PHC2: variants seen among roughly 807,000 people sequenced by gnomAD.
PHC2 encodes polyhomeotic-like protein 2.
PHC2 carries 29 observed loss-of-function variants against 87.4 expected under a neutral mutation model. The ratio of observed to expected loss-of-function variants is 0.33; its 90% CI spans 0.25 to 0.45. The LOEUF (loss-of-function observed/expected upper bound fraction) is 0.45, where lower values mean the gene tolerates loss of function less well. Among genes scored for constraint, PHC2 ranks in the 20% least tolerant of loss-of-function variants. The pLI, the probability that PHC2 is intolerant of heterozygous loss-of-function variation, is 1.00. For synonymous variants in PHC2, 438 were observed against 461.7 expected (o/e 0.95, Z 0.66); for missense variants, 857 against 1,136.7 (o/e 0.75, Z 3.54).
At chr1:33,375,795 C>T (rs1040417915) in intron 1 of PHC2, among the ~76,000 whole-genome samples, 1 of 152,168 alleles carries the variant, frequency 6.6e-6, no homozygotes, top group East Asian at 1.9e-4. Context: ...AGTGTAACAA[C>T]TATTTGCATA....
rs1245640355 is a variant in PHC2, at chr1:33,368,272, G to A, written c.663+264C>T. 6.6e-6 allele frequency among the ~76,000 whole-genome samples: 1 copy of A among 152,206 alleles called. No individual in the cohort carries two copies. Among genetic ancestry groups the A allele is most frequent in the Admixed American group, 6.5e-5 (1 of 15,282 alleles). ...GGTGTAAAGTATGGAGGGTAGCACA[G>A]CCCACCCCTCCCTGGCAAATCATGC... is the stretch of plus-strand genomic sequence containing the variant. On this transcript the variant is annotated intron_variant, in intron 6 of 14. Coordinates refer to ENST00000683057, the MANE Select transcript of PHC2 (RefSeq NM_001385109.1). The surrounding 1 kb of genome is among the most constrained non-coding windows in gnomAD (Gnocchi z 6.6).
Position 33,382,924 on chromosome 1 carries a change from G to A in PHC2, c.-54-7331C>T, listed in dbSNP as rs1648557776. ...TCTCCAAATCTAGCCTAAAGCCCTG[G>A]GGTAAGGCAGGGTGAGGTTTTTCCT... On this transcript the variant is annotated intron_variant, in intron 1 of 14. Transcript: ENST00000683057. This position sits in a 1 kb window ranked among gnomAD's most constrained non-coding sequence, Gnocchi z 4.3. Among the ~76,000 whole-genome samples, 2 of 152,202 alleles carry A rather than the reference G, an allele frequency of 1.3e-5. No homozygotes were observed. Among genetic ancestry groups the A allele is most frequent in the South Asian group, 4.1e-4 (2 of 4,834 alleles).
rs566198890 is a variant in PHC2, at chr1:33,368,117, C to T, written c.663+419G>A. On this transcript the variant is annotated intron_variant, in intron 6 of 14. Transcript: ENST00000683057. This position sits in a 1 kb window ranked among gnomAD's most constrained non-coding sequence, Gnocchi z 6.6. The stretch of plus-strand genomic sequence containing the variant: ...CACGGTAGTATCTGTGCGCTCCTAG[C>T]AGAGCAGGACACGTCTCTGCTCCCT... Among the ~76,000 whole-genome samples the T allele has an allele frequency of 6.6e-6, 1 of 152,338 alleles. No homozygotes were observed. Among genetic ancestry groups the T allele is most frequent in the African/African-American group, 2.4e-5 (1 of 41,582 alleles).
rs1284749997 is a variant in PHC2 at position 33,369,483 on chromosome 1, G to C, written c.577-861C>G. ...GTCAGCTTTGGGCAGCAGCATCACA[G>C]TGTGGCTGTCCAGTTCCCGAGGAGA... On this transcript the variant is annotated intron_variant, in intron 5 of 14. Coordinates refer to ENST00000683057, the MANE Select transcript of PHC2 (RefSeq NM_001385109.1). The surrounding 1 kb of genome is among the most constrained non-coding windows in gnomAD (Gnocchi z 4.7). Among the ~76,000 whole-genome samples the C allele has an allele frequency of 2.6e-5, 4 of 152,224 alleles. No individual in the cohort carries two copies. The highest frequency in any genetic ancestry group is 5.9e-5 in the Non-Finnish European group (4 of 68,026).
rs1478263426 is a variant in PHC2 at position 33,414,215 on chromosome 1, ACAC to A, written c.-55+16758_-55+16760del. On this transcript the variant is annotated intron_variant, in intron 1 of 14. Transcript: ENST00000683057. ...CACACACACACACACACACACACAC[ACAC>A]AAGAAAGGTTAACAGTTGAGGTTGA... Among the ~76,000 whole-genome samples, 14 of 151,574 alleles carry A rather than the reference ACAC, an allele frequency of 9.2e-5. No homozygotes were observed. In the East Asian group the frequency reaches 9.7e-4, roughly 10 times the overall value.
chr1:33,356,252 TATA>T (rs1647071225), intron 7 of PHC2, among the ~76,000 whole-genome samples: 1 of 36,682 alleles, frequency 2.7e-5, no homozygotes, highest in South Asian at 8.4e-4. Context: ...AAAATTCTTA[TATA>T]TATATATATA....
At chr1:33,337,720 G>A (rs1319599693) in intron 9 of PHC2, among the ~76,000 whole-genome samples, 1 of 152,176 alleles carries the variant, frequency 6.6e-6, no homozygotes, top group Non-Finnish European at 1.5e-5. Context: ...AAGCCCTTCT[G>A]TTCTTTCAGG....
chr1:33,361,185 C>T (rs777863913), intron 7 of PHC2, among the ~76,000 whole-genome samples: 3 of 152,124 alleles, frequency 2.0e-5, no homozygotes, highest in Admixed American at 6.5e-5. Context: ...GAGGACACCA[C>T]GAGCAGTCAG....
At chr1:33,373,999 A>T (rs1648016291) in intron 2 of PHC2, among the ~76,000 whole-genome samples, 2 of 151,964 alleles carry the variant, frequency 1.3e-5, no homozygotes, top group Non-Finnish European at 1.5e-5. Flanking sequence ...ACTCTTCCAC[A>T]TGTTGCCCCC....
intron 9 of PHC2, among the ~76,000 whole-genome samples, chr1:33,342,530 C>A (rs1646763887): frequency 1.3e-5 from 2 of 148,388 alleles, no homozygotes; most frequent in African/African-American, 4.9e-5. Context: ...CCCCCCACCC[C>A]ATGCAGTTCA....
At chr1:33,344,139 T>G (rs1646800078) in intron 9 of PHC2, among the ~76,000 whole-genome samples, 1 of 152,254 alleles carries the variant, frequency 6.6e-6, no homozygotes, top group African/African-American at 2.4e-5. Context: ...GCCAGATGAT[T>G]TAGCTTATGA....
intron 1 of PHC2, among the ~76,000 whole-genome samples, chr1:33,415,865 C>A (rs1274805562): frequency 6.6e-6 from 1 of 151,970 alleles, no homozygotes; most frequent in Non-Finnish European, 1.5e-5. Context: ...ACATCTGAAA[C>A]CAAAAATAGA....
intron 1 of PHC2, among the ~76,000 whole-genome samples, chr1:33,400,278 G>A (rs1340045039): frequency 6.6e-6 from 1 of 152,188 alleles, no homozygotes; most frequent in African/African-American, 2.4e-5. Flanking sequence ...GTTTATAGGA[G>A]TTTGCACTCA....
intron 1 of PHC2, among the ~76,000 whole-genome samples, chr1:33,400,795 A>G (rs1293752317): frequency 6.6e-6 from 1 of 152,232 alleles, no homozygotes; most frequent in Admixed American, 6.5e-5. Flanking sequence ...AGAATTGTAC[A>G]TGTTGACAGG....
At chr1:33,347,209 C>T in intron 9 of PHC2, 12 of 985,408 alleles carry the variant, frequency 1.2e-5, no homozygotes, top group Non-Finnish European at 1.4e-5. Flanking sequence ...ATCTCAGGGT[C>T]AGTCCGCTTA....
At position 33,330,139 on chromosome 1, in the gene PHC2, C is replaced by T. The variant is rs751699611; in HGVS notation, c.2080G>A (p.Ala694Thr). 1.3e-5 allele frequency: 21 copies of T among 1,614,110 alleles called. No homozygotes were observed. The highest frequency in any genetic ancestry group is 1.1e-4 in the South Asian group (10 of 91,090). Residue 694 changes from alanine (A) to threonine (T), a missense_variant, in exon 13 of 15, where the codon GCG (alanine) becomes ACG (threonine). Around this residue, in one of 3 missense-constraint regions of PHC2, gnomAD observed 832 missense variants for 1,081.8 expected, o/e 0.77. Coordinates refer to ENST00000683057, the MANE Select transcript of PHC2 (RefSeq NM_001385109.1). ...DRSKLQKAGA[A>T]THNRRRASKA... ...CTGGCCCGACGGCGGTTGTGGGTCG[C>T]AGCTCCTGCCTTCTGCAGCTTGCTC... is the stretch of plus-strand genomic sequence containing the variant.
chr1:33,367,355 A>G lies in PHC2; in HGVS notation c.737T>C (p.Val246Ala). The G allele has an allele frequency of 6.2e-7, 1 of 1,611,270 alleles. No homozygotes were observed. Residue 246 changes from valine (V) to alanine (A), a missense_variant, in exon 7 of 15, where the codon GTC (valine) becomes GCC (alanine). Physicochemically the swap from Val to Ala is moderately conservative, Grantham distance 64 (BLOSUM62 0). Transcript: ENST00000683057. ...GGGTTTCAGGGCCAAGCTGGGCAGG[A>G]CAGGCTGAGTGGGGGTGGGGCCCGA... Reference protein sequence around the residue: ...AASGPTPTQPVLPSLALKPTP... With the variant: ...AASGPTPTQPALPSLALKPTP...
chr1:33,330,581 G>A (rs12075330), intron 12 of PHC2, among the ~76,000 whole-genome samples: 2,605 of 152,296 alleles, frequency 0.017, 69 homozygotes, highest in African/African-American at 0.059. Context: ...GCTGGGGAGT[G>A]GCCTGGCTGC....
intron 1 of PHC2, among the ~76,000 whole-genome samples, chr1:33,403,510 T>A (rs2148380622): frequency 6.6e-6 from 1 of 152,314 alleles, no homozygotes; most frequent in East Asian, 1.9e-4. Context: ...TATGGGTGTC[T>A]TCTAAAGTTC....
Sources: allele counts gnomAD v4.1 joint callset (sites outside exome capture counted in the v4.1 genomes callset), GRCh38; gene constraint gnomAD v4.1.1; regional missense constraint gnomAD v4.1.1; non-coding constraint Gnocchi (gnomAD v3.1); transcripts MANE v1.5; gene names NCBI Gene and HGNC (gene_info 2026-07-23, HGNC 2026-07-21).